The following OXSR1 variants were observed in gnomAD, a reference collection of about 807,000 sequenced individuals.
The protein encoded by OXSR1 is oxidative stress responsive kinase 1.
In OXSR1, 24 loss-of-function variants were observed where a neutral mutation model predicts 79.8. The observed-to-expected ratio is 0.30, with a 90% CI of 0.22 to 0.42. The LOEUF is 0.42. Ranked by LOEUF, OXSR1 falls within the 10% of genes least tolerant of loss-of-function variation. OXSR1 has a pLI of 1.00. For synonymous variants in OXSR1, 226 were observed against 209.2 expected (o/e 1.08, Z -0.69); for missense variants, 430 against 618.4 (o/e 0.70, Z 3.23).
At chr3:38,198,530 CT>C (rs1303726914) in intron 3 of OXSR1, among the ~76,000 whole-genome samples, 191 bp from the exon 4 acceptor site, 1 of 152,098 alleles carries the variant, frequency 6.6e-6, no homozygotes, top group Non-Finnish European at 1.5e-5. Context: ...CAGCCAGCTA[CT>C]TTTTGTTTTA....
rs1315338353 is a variant in OXSR1 at position 38,223,894 on chromosome 3, A to G, written c.683A>G (p.His228Arg). ...IELATGAAPY[H>R]KYPPMKVLML... is the part of the protein sequence containing the mutation. ...TTGGCTACAGGGGCGGCTCCTTATC[A>G]TAAATATCCACCAATGAAGGTGAGG... Residue 228 changes from histidine (H) to arginine (R), a missense_variant, in exon 7 of 18, where the codon CAT (histidine) becomes CGT (arginine). His to Arg is a conservative substitution (Grantham distance 29). Around this residue, in one of 3 missense-constraint regions of OXSR1, gnomAD observed 276 missense variants for 354.2 expected, o/e 0.78. Coordinates refer to ENST00000311806, the MANE Select transcript of OXSR1 (RefSeq NM_005109.3). 1 of 1,600,588 alleles carries G rather than the reference A, an allele frequency of 6.2e-7. No homozygotes were observed. Among genetic ancestry groups the G allele is most frequent in the Non-Finnish European group, 8.5e-7 (1 of 1,170,816 alleles).
chr3:38,167,117 C>T (rs893664072), intron 1 of OXSR1, among the ~76,000 whole-genome samples: 1 of 152,170 alleles, frequency 6.6e-6, no homozygotes, highest in Non-Finnish European at 1.5e-5. Context: ...ATCTTCTCAG[C>T]TTTGGTACAG....
rs115770257 is a variant in OXSR1, at chr3:38,238,750, T to G, written c.1074+1789T>G. 9.1e-3 allele frequency among the ~76,000 whole-genome samples: 1,378 copies of G among 152,184 alleles called. 23 individuals are homozygous for G. The highest frequency in any genetic ancestry group is 0.032 in the African/African-American group (1,327 of 41,542). On this transcript the variant is annotated intron_variant, in intron 11 of 17. Transcript: ENST00000311806. ...GCTTTTAAGATTTCCTCTTTACAAA[T>G]GGTTTTGGAAAATTTGATTGTGATA...
At chr3:38,219,583 A>G (rs1256061185) in intron 5 of OXSR1, among the ~76,000 whole-genome samples, 1 of 152,148 alleles carries the variant, frequency 6.6e-6, no homozygotes, top group Non-Finnish European at 1.5e-5. Flanking sequence ...CCTCCTTTTT[A>G]CAGATGAAGA....
intron 1 of OXSR1, among the ~76,000 whole-genome samples, chr3:38,169,956 C>G (rs1289468783): frequency 1.3e-5 from 2 of 152,008 alleles, no homozygotes; most frequent in Admixed American, 6.6e-5. Flanking sequence ...TCTCAAATTC[C>G]TGATCGCTCA....
intron 3 of OXSR1, among the ~76,000 whole-genome samples, chr3:38,193,809 C>T (rs1181829083): frequency 6.6e-6 from 1 of 152,060 alleles, no homozygotes; most frequent in Non-Finnish European, 1.5e-5. Flanking sequence ...GGATAATTTT[C>T]AAATATGTTC....
intron 11 of OXSR1, among the ~76,000 whole-genome samples, chr3:38,241,286 G>A (rs1703028110): frequency 6.6e-6 from 1 of 152,106 alleles, no homozygotes; most frequent in Admixed American, 6.6e-5. Flanking sequence ...CATGTATGTG[G>A]TGGGAGTGGA....
At chr3:38,194,739 G>A (rs1339565406) in intron 3 of OXSR1, among the ~76,000 whole-genome samples, 1 of 151,744 alleles carries the variant, frequency 6.6e-6, no homozygotes, top group Non-Finnish European at 1.5e-5. Context: ...GAGGACTATT[G>A]GTAGAGGCTT....
intron 1 of OXSR1, among the ~76,000 whole-genome samples, chr3:38,169,810 C>T (rs545956521): frequency 6.6e-6 from 1 of 151,458 alleles, no homozygotes; most frequent in Admixed American, 6.6e-5. Context: ...GATCAGGGCT[C>T]ACTCCACCTC....
intron 2 of OXSR1, among the ~76,000 whole-genome samples, chr3:38,184,954 G>GTTTTTTTTTTTTTTTTTTTTT (rs1559503629): frequency 1.0e-5 from 1 of 96,228 alleles, no homozygotes; most frequent in African/African-American, 4.1e-5. Flanking sequence ...TTTTTTTTGG[G>GTTTTTTTTTTTTTTTTTTTTT]TTTCTTTGAG....
intron 1 of OXSR1, among the ~76,000 whole-genome samples, chr3:38,176,963 A>T (rs1031611581): frequency 6.6e-6 from 1 of 152,274 alleles, no homozygotes; most frequent in Non-Finnish European, 1.5e-5. Flanking sequence ...TTTTATGTAT[A>T]TAAGATAAAT....
intron 1 of OXSR1, among the ~76,000 whole-genome samples, chr3:38,179,329 T>C (rs1701737819): frequency 1.3e-5 from 2 of 152,060 alleles, no homozygotes; most frequent in Admixed American, 1.3e-4. Flanking sequence ...CGCCCTGGCC[T>C]GGCTAATTTT....
intron 4 of OXSR1, among the ~76,000 whole-genome samples, chr3:38,212,658 G>A (rs907738237): frequency 6.6e-6 from 1 of 152,156 alleles, no homozygotes; most frequent in African/African-American, 2.4e-5. Context: ...AAAGTCAAGC[G>A]TGTCTGTGAT....
intron 1 of OXSR1, among the ~76,000 whole-genome samples, chr3:38,182,002 C>G (rs1701795972): frequency 6.6e-6 from 1 of 152,092 alleles, no homozygotes; most frequent in Non-Finnish European, 1.5e-5. Flanking sequence ...ATTACAGGTG[C>G]ATGCCACTGC....
At chr3:38,213,621 A>G (rs1702428986) in intron 4 of OXSR1, among the ~76,000 whole-genome samples, 1 of 152,242 alleles carries the variant, frequency 6.6e-6, no homozygotes, top group South Asian at 2.1e-4. Flanking sequence ...CTGAACTAAT[A>G]TAAGATGTTA....
At chr3:38,200,374 T>A (rs1702143107) in intron 4 of OXSR1, among the ~76,000 whole-genome samples, 3 of 152,308 alleles carry the variant, frequency 2.0e-5, no homozygotes, top group South Asian at 4.1e-4. Flanking sequence ...AACTTTTTTT[T>A]AAACCTTTCC....
At chr3:38,229,485 A>G (rs34227521) in intron 8 of OXSR1, among the ~76,000 whole-genome samples, 244 of 152,178 alleles carry the variant, frequency 1.6e-3, no homozygotes, top group African/African-American at 5.7e-3. Flanking sequence ...TTATCAGAAT[A>G]TTTGTTTTGA....
chr3:38,194,040 G>A (rs1469158176), intron 3 of OXSR1, among the ~76,000 whole-genome samples: 1 of 151,998 alleles, frequency 6.6e-6, no homozygotes, highest in African/African-American at 2.4e-5. Flanking sequence ...TTTTTAAACA[G>A]GAGGAAGATG....
chr3:38,180,495 G>C (rs1339494166), intron 1 of OXSR1, among the ~76,000 whole-genome samples: 1 of 146,962 alleles, frequency 6.8e-6, no homozygotes, highest in Non-Finnish European at 1.5e-5. Context: ...GTCCGTATTT[G>C]CTCCCTGGCT....
Sources: allele counts gnomAD v4.1 joint callset (sites outside exome capture counted in the v4.1 genomes callset), GRCh38; gene constraint gnomAD v4.1.1; regional missense constraint gnomAD v4.1.1; transcripts MANE v1.5; gene names NCBI Gene and HGNC (gene_info 2026-07-23, HGNC 2026-07-21).